Variants in ITPRID1 observed in about 807,000 individuals in gnomAD.
The protein encoded by ITPRID1 is ITPR interacting domain containing 1, also known as protein ITPRID1.
Under a neutral mutation model 95.4 loss-of-function variants are expected in ITPRID1, and 96 were observed. That is an observed-to-expected ratio of 1.01 (90% confidence interval 0.85 to 1.19). The LOEUF is 1.19. Ranked by LOEUF, ITPRID1 falls within the 50% of genes most tolerant of loss-of-function variation. ITPRID1 has a pLI of 0.00. For synonymous variants in ITPRID1, 510 were observed against 453.6 expected (o/e 1.12, Z -1.58); for missense variants, 1,339 against 1,252.9 (o/e 1.07, Z -1.04).
rs1791197795 is a variant in ITPRID1, at chr7:31,654,480, T to C, written c.*1651T>C. Among the ~76,000 whole-genome samples, 1 of 152,154 alleles carries C rather than the reference T, an allele frequency of 6.6e-6. No individual in the cohort carries two copies. Among genetic ancestry groups the C allele is most frequent in the African/African-American group, 2.4e-5 (1 of 41,446 alleles). ...AAGCAGGGTCGTCATATAATCTGAT[T>C]TACGTTTTGAAGTCATGCTGGCTGC... On this transcript the variant is annotated 3_prime_UTR_variant, in exon 15 of 15. Coordinates refer to ENST00000615280, the MANE Select transcript of ITPRID1 (RefSeq NM_001257967.3).
intron 10 of ITPRID1, among the ~76,000 whole-genome samples, chr7:31,598,152 C>A (rs185221484): frequency 6.6e-6 from 1 of 152,140 alleles, no homozygotes; most frequent in African/African-American, 2.4e-5. Flanking sequence ...GGCATTGGTA[C>A]TTACAAAAGA....
rs1445115018 is a variant in ITPRID1 at position 31,577,973 on chromosome 7, A to T, written c.709A>T (p.Ser237Cys). The T allele has an allele frequency of 3.1e-6, 5 of 1,613,636 alleles. No homozygotes were observed. Among genetic ancestry groups the T allele is most frequent in the Non-Finnish European group, 3.4e-6 (4 of 1,179,826 alleles). Residue 237 changes from serine (S) to cysteine (C), a missense_variant, in exon 9 of 15, where the codon AGT becomes TGT. Physicochemically the swap from Ser to Cys is moderately radical, Grantham distance 112. Coordinates refer to ENST00000615280, the MANE Select transcript of ITPRID1 (RefSeq NM_001257967.3). ...NRAEEKAGGE[S>C]VQRTSVSAAK... is the part of the protein sequence containing the mutation. ...AGCTGAAGAGAAAGCTGGAGGAGAG[A>T]GTGTGCAAAGAACCTCAGTGAGTGC...
intron 10 of ITPRID1, among the ~76,000 whole-genome samples, chr7:31,599,662 T>TC (rs1786291124): frequency 6.4e-4 from 20 of 31,424 alleles, no homozygotes; most frequent in African/African-American, 1.3e-3. Flanking sequence ...TTTCTTTCCT[T>TC]TCTCTCTCTC....
intron 5 of ITPRID1, chr7:31,555,462 T>A (rs375985555): frequency 7.2e-5 from 11 of 152,258 alleles, no homozygotes; most frequent in African/African-American, 2.7e-4. Flanking sequence ...ACAGTTTCCA[T>A]CTTCATTAAA....
chr7:31,521,212 A>C (rs1382443292), intron 1 of ITPRID1, among the ~76,000 whole-genome samples: 1 of 152,136 alleles, frequency 6.6e-6, no homozygotes, highest in Non-Finnish European at 1.5e-5. Flanking sequence ...ATTTAATGCT[A>C]TAACTTTCCC....
chr7:31,522,958 A>G (rs1432500284), intron 1 of ITPRID1, among the ~76,000 whole-genome samples: 2 of 152,150 alleles, frequency 1.3e-5, no homozygotes, highest in Non-Finnish European at 2.9e-5. Context: ...AAATCCTGCC[A>G]CCTATATTGT....
intron 8 of ITPRID1, 115 bp downstream of exon 8, chr7:31,574,857 A>C: frequency 1.2e-6 from 1 of 847,894 alleles, no homozygotes; most frequent in South Asian, 1.6e-5. Context: ...TATTACAGTG[A>C]CTTCACACAC....
chr7:31,625,819 CTTTT>C (rs34385465), intron 10 of ITPRID1, among the ~76,000 whole-genome samples: 2 of 149,790 alleles, frequency 1.3e-5, no homozygotes, highest in Admixed American at 6.6e-5. Context: ...CTTAGAATGT[CTTTT>C]TTTTTAAATT....
Position 31,652,781 on chromosome 7 carries a change from T to G in ITPRID1, c.3087T>G (p.Pro1029=), listed in dbSNP as rs1288108800. 1 of 1,613,794 alleles carries G rather than the reference T, an allele frequency of 6.2e-7. No individual in the cohort carries two copies. The highest frequency in any genetic ancestry group is 1.6e-4 in the Middle Eastern group (1 of 6,062). The change falls in exon 15 of 15, where the codon CCT becomes CCG. Residue 1029 remains proline, a synonymous_variant. Transcript: ENST00000615280. ...SSAWAKLGPT[P]LSNCPVGEKD... is the part of the protein sequence containing the mutation. ...CTTGGGCAAAGTTAGGTCCAACCCCTTTGTCAAATTGTCCTGTTGGAGAAA... is the reference window on the plus strand; with the variant it reads ...CTTGGGCAAAGTTAGGTCCAACCCCGTTGTCAAATTGTCCTGTTGGAGAAA...
At chr7:31,652,290 G>T (rs1490948267) in intron 14 of ITPRID1, among the ~76,000 whole-genome samples, 1 of 152,118 alleles carries the variant, frequency 6.6e-6, no homozygotes, top group Non-Finnish European at 1.5e-5. Flanking sequence ...GTACATCATA[G>T]AGAAGTCCTA....
At position 31,554,632 on chromosome 7, in the gene ITPRID1, T is replaced by A. The variant is rs976341000; in HGVS notation, c.212+109T>A. 26 of 1,371,388 alleles carry A rather than the reference T, an allele frequency of 1.9e-5. 2 individuals carry two copies. The highest frequency in any genetic ancestry group is 3.6e-4 in the Middle Eastern group (2 of 5,496). 85.0% of individuals were successfully genotyped at this position (1,371,388 alleles called of 1,614,324 possible). The stretch of plus-strand genomic sequence containing the variant: ...GGTCGGGGAAGTGTAGGGATTTTCA[T>A]TTTAATTGTACGTGAAGTATTATTC... On this transcript the variant is annotated intron_variant, in intron 4 of 14. Coordinates refer to ENST00000615280, the MANE Select transcript of ITPRID1 (RefSeq NM_001257967.3).
At chr7:31,640,893 C>T (rs1403230191) in intron 10 of ITPRID1, among the ~76,000 whole-genome samples, 1 of 151,898 alleles carries the variant, frequency 6.6e-6, no homozygotes, top group East Asian at 1.9e-4. Flanking sequence ...AAATGTATGC[C>T]CTCTGATTTT....
Position 31,652,863 on chromosome 7 carries a change from A to G in ITPRID1, c.*34A>G, listed in dbSNP as rs1307898156. 6.3e-7 allele frequency: 1 copy of G among 1,595,236 alleles called. No individual in the cohort carries two copies. Among genetic ancestry groups the G allele is most frequent in the South Asian group, 1.1e-5 (1 of 89,682 alleles). ...AGGTTTGTTAACCTTCATACAAAATATAAAGGCCCAGAACAGATGTAGCAA... is the reference window on the plus strand; with the variant it reads ...AGGTTTGTTAACCTTCATACAAAATGTAAAGGCCCAGAACAGATGTAGCAA... On this transcript the variant is annotated 3_prime_UTR_variant, in exon 15 of 15. Transcript: ENST00000615280.
intron 9 of ITPRID1, among the ~76,000 whole-genome samples, chr7:31,581,548 A>C (rs904179954): frequency 6.6e-6 from 1 of 152,192 alleles, no homozygotes; most frequent in Admixed American, 6.5e-5. Flanking sequence ...GTCACATGTG[A>C]GAACATTAAC....
chr7:31,515,988 GT>G (rs936934201), intron 1 of ITPRID1, among the ~76,000 whole-genome samples: 103 of 151,360 alleles, frequency 6.8e-4, no homozygotes, highest in African/African-American at 2.1e-3. Context: ...TTTCATAATA[GT>G]TTTTTTTTGC....
intron 10 of ITPRID1, among the ~76,000 whole-genome samples, chr7:31,632,071 T>A (rs934791124): frequency 1.3e-4 from 20 of 152,214 alleles, no homozygotes; most frequent in African/African-American, 4.8e-4. Context: ...CTCTTCAGAA[T>A]ATTAACAGTG....
chr7:31,525,409 T>C (rs1418815381), intron 1 of ITPRID1, among the ~76,000 whole-genome samples: 1 of 152,154 alleles, frequency 6.6e-6, no homozygotes, highest in Non-Finnish European at 1.5e-5. Flanking sequence ...CTCCACCCCA[T>C]TGCGACAATC....
intron 10 of ITPRID1, among the ~76,000 whole-genome samples, chr7:31,596,535 T>C (rs1393564007): frequency 3.3e-5 from 5 of 151,704 alleles, no homozygotes; most frequent in Non-Finnish European, 5.9e-5. Context: ...GTATAAGTTA[T>C]CAAAAATGTT....
chr7:31,547,162 G>T (rs999344950), intron 1 of ITPRID1, among the ~76,000 whole-genome samples: 1 of 152,186 alleles, frequency 6.6e-6, no homozygotes, highest in African/African-American at 2.4e-5. Context: ...GGACAGTACT[G>T]CAGATGAAAG....
Sources: allele counts gnomAD v4.1 joint callset (sites outside exome capture counted in the v4.1 genomes callset), GRCh38; gene constraint gnomAD v4.1.1; transcripts MANE v1.5; gene names NCBI Gene and HGNC (gene_info 2026-07-23, HGNC 2026-07-21).